Variants in RRP1B observed in about 807,000 individuals in gnomAD.
The protein encoded by RRP1B is ribosomal RNA processing 1B.
A neutral mutation model predicts 80.2 loss-of-function variants in RRP1B; 56 were observed. The observed-to-expected ratio is 0.70, with a 90% CI of 0.56 to 0.87. RRP1B has a LOEUF of 0.87. Among genes scored for constraint, RRP1B ranks in the 40% least tolerant of loss-of-function variants. The pLI is 0.00. For missense variants in RRP1B, 807 were observed against 939.8 expected (o/e 0.86, Z 1.85); for synonymous variants, 351 against 357.6 (o/e 0.98, Z 0.21).
At position 43,686,594 on chromosome 21, in the gene RRP1B, C is replaced by CT. The variant is rs1192012275; in HGVS notation, c.1010-208dup. The CT allele has an allele frequency of 6.4e-5, 34 of 527,380 alleles. No homozygotes were observed. The Middle Eastern group carries it at 1.6e-3, about 24-fold the overall frequency. 32.7% of individuals were successfully genotyped at this position (527,380 alleles called of 1,614,324 possible). A position where few individuals can be genotyped will look rare whatever the true frequency, so the allele number is the denominator to read the frequency against. On this transcript the variant is annotated intron_variant, in intron 11 of 15. Coordinates refer to ENST00000340648, the MANE Select transcript of RRP1B (RefSeq NM_015056.3). ...CAGCCATGGAGGGTGTCACCGAGGG[C>CT]TTGTGATCCCTTGCCTTGCCTTGGT...
chr21:43,674,261 A>T (rs957146918), intron 4 of RRP1B, among the ~76,000 whole-genome samples: 1 of 152,170 alleles, frequency 6.6e-6, no homozygotes, highest in African/African-American at 2.4e-5. Flanking sequence ...GGTTCAAGTG[A>T]TTCTCATGCC....
intron 1 of RRP1B, among the ~76,000 whole-genome samples, chr21:43,661,590 G>A (rs1280273629): frequency 2.0e-5 from 3 of 152,086 alleles, no homozygotes; most frequent in African/African-American, 7.2e-5. Flanking sequence ...CGAAACTTCT[G>A]CGCCCGCATA....
At chr21:43,670,098 G>C (rs568594735) in intron 2 of RRP1B, 132 bp downstream of exon 2, 1 of 519,262 alleles carries the variant, frequency 1.9e-6, no homozygotes, top group Non-Finnish European at 3.4e-6. Flanking sequence ...AGTCATTTTC[G>C]TACCTCTTGT....
chr21:43,674,089 C>G (rs1381160465), intron 4 of RRP1B, 134 bp downstream of exon 4: 1 of 640,184 alleles, frequency 1.6e-6, no homozygotes, highest in Non-Finnish European at 2.6e-6. Flanking sequence ...TTGAATGTGT[C>G]CTGGAAAGCT....
At chr21:43,665,650 G>C (rs1241293445) in intron 1 of RRP1B, among the ~76,000 whole-genome samples, 1 of 152,058 alleles carries the variant, frequency 6.6e-6, no homozygotes, top group Non-Finnish European at 1.5e-5. Flanking sequence ...GGGTTCCAGC[G>C]GAACCCTTGG....
rs2083016603 is a variant in RRP1B at position 43,675,145 on chromosome 21, C to T, written c.531C>T (p.Ser177=). 1 of 1,613,762 alleles carries T rather than the reference C, an allele frequency of 6.2e-7. No homozygotes were observed. Among genetic ancestry groups the T allele is most frequent in the Non-Finnish European group, 8.5e-7 (1 of 1,179,962 alleles). ...HFIDIYLDEL[S]KVGGKELLAD... The stretch of plus-strand genomic sequence containing the variant: ...TTGATATTTACCTGGATGAACTCTC[C>T]AAAGTCGGGGGGAAGGAGGTAAGCA... The change falls in exon 6 of 16, where the codon TCC becomes TCT. Residue 177 remains serine, a synonymous_variant. Coordinates refer to ENST00000340648, the MANE Select transcript of RRP1B (RefSeq NM_015056.3).
At chr21:43,687,491 T>C (rs2083067723) in intron 12 of RRP1B, 25 bp from the exon 13 acceptor site, 2 of 1,464,770 alleles carry the variant, frequency 1.4e-6, no homozygotes, top group African/African-American at 2.8e-5. Context: ...ACTGGGTGCT[T>C]GTTGATGGGT....
chr21:43,672,244 G>C (rs1012685899), intron 2 of RRP1B, 64 bp from the exon 3 acceptor site: 3 of 1,445,302 alleles, frequency 2.1e-6, no homozygotes, highest in Non-Finnish European at 2.9e-6. Context: ...AGCAGGCCGC[G>C]GCACAGGCAT....
In RRP1B at chr21:43,691,415, G is replaced by T. The variant is rs112725547; in HGVS notation, c.2020-24G>T. On this transcript the variant is annotated intron_variant, in intron 14 of 15. Coordinates refer to ENST00000340648, the MANE Select transcript of RRP1B (RefSeq NM_015056.3). This position sits in a 1 kb window ranked among gnomAD's most constrained non-coding sequence, Gnocchi z 4.2. The stretch of plus-strand genomic sequence containing the variant: ...CCACTGCACTTGCGTCACTCCTTTT[G>T]TTCCTGTTATTTCTCTTCTGCAGCT... 1.8e-5 allele frequency: 29 copies of T among 1,612,950 alleles called. No homozygotes were observed. Among genetic ancestry groups the T allele is most frequent in the Non-Finnish European group, 2.5e-5 (29 of 1,179,146 alleles).
chr21:43,690,172 G>T (rs1207671381), intron 13 of RRP1B, 116 bp from the exon 14 acceptor site: 6 of 1,198,736 alleles, frequency 5.0e-6, no homozygotes, highest in South Asian at 3.1e-5. Flanking sequence ...AAGACCGCGG[G>T]CCGTCGGGTG....
At position 43,659,843 on chromosome 21, in the gene RRP1B, G is replaced by GGGGCTGGGGCTA. The variant is rs1162989837; in HGVS notation, c.130+54_130+65dup. ...CGCGCCACATGGCGGGCCGGGGGCC[G>GGGGCTGGGGCTA]GGGCTGGGGCTAGGGCCAGGGCCCC... On this transcript the variant is annotated intron_variant, in intron 1 of 15. Coordinates refer to ENST00000340648, the MANE Select transcript of RRP1B (RefSeq NM_015056.3). This position sits in a 1 kb window ranked among gnomAD's most constrained non-coding sequence, Gnocchi z 4.2. 6.8e-6 allele frequency: 10 copies of GGGGCTGGGGCTA among 1,465,446 alleles called. No homozygotes were observed. Among genetic ancestry groups the GGGGCTGGGGCTA allele is most frequent in the Non-Finnish European group, 9.1e-6 (10 of 1,101,992 alleles). The allele number at this position is 1,465,446 out of a possible 1,614,324, so 90.8% of individuals were successfully genotyped here.
rs1396405844 is a variant in RRP1B at position 43,695,694 on chromosome 21, A to C, written c.*2311A>C. ...GATATTTTCCTAAGTAAAATTGCCA[A>C]GTGGACTTGGAAGTCCAGAAAGGAA... On this transcript the variant is annotated 3_prime_UTR_variant, in exon 16 of 16. Transcript: ENST00000340648. The C allele has an allele frequency of 6.6e-6, 1 of 152,256 alleles. No individual in the cohort carries two copies. The highest frequency in any genetic ancestry group is 1.5e-5 in the Non-Finnish European group (1 of 68,050). 9.4% of individuals were successfully genotyped at this position (152,256 alleles called of 1,614,324 possible).
At chr21:43,685,102 T>C (rs918516739) in intron 10 of RRP1B, among the ~76,000 whole-genome samples, 2 of 152,216 alleles carry the variant, frequency 1.3e-5, no homozygotes, top group African/African-American at 2.4e-5. Flanking sequence ...CTGGAATTCA[T>C]GGAGGGCCTC....
At position 43,691,534 on chromosome 21, in the gene RRP1B, C is replaced by G; in HGVS notation, c.2083+32C>G. On this transcript the variant is annotated intron_variant, in intron 15 of 15. Transcript: ENST00000340648. The surrounding 1 kb of genome is among the most constrained non-coding windows in gnomAD (Gnocchi z 4.2). ...GGGGTTTTGCCAGCGGCAAGCTTCTCTGGAGCACAGCTGCAGCTCCTGGCG... is the reference window on the plus strand; with the variant it reads ...GGGGTTTTGCCAGCGGCAAGCTTCTGTGGAGCACAGCTGCAGCTCCTGGCG... 1.2e-6 allele frequency: 2 copies of G among 1,608,098 alleles called. No homozygotes were observed. Among genetic ancestry groups the G allele is most frequent in the Non-Finnish European group, 1.7e-6 (2 of 1,174,850 alleles).
intron 1 of RRP1B, among the ~76,000 whole-genome samples, chr21:43,665,633 G>T (rs761524670): frequency 6.6e-6 from 1 of 152,034 alleles, no homozygotes; most frequent in African/African-American, 2.4e-5. Context: ...TGAAACCTCC[G>T]CCTCCTGGGT....
chr21:43,688,551 T>C (rs1490221689), intron 13 of RRP1B, among the ~76,000 whole-genome samples: 1 of 152,222 alleles, frequency 6.6e-6, no homozygotes, highest in African/African-American at 2.4e-5. Context: ...CAGGCCAGTC[T>C]AGGCCTCTGT....
intron 8 of RRP1B, among the ~76,000 whole-genome samples, chr21:43,682,989 C>T (rs1377295978): frequency 6.6e-6 from 1 of 152,154 alleles, no homozygotes; most frequent in South Asian, 2.1e-4. Context: ...TCTCATGCCT[C>T]AGCCTCCCAA....
Position 43,691,634 on chromosome 21 carries a change from T to TA in RRP1B, c.2083+132_2083+133insA. On this transcript the variant is annotated intron_variant, in intron 15 of 15. Transcript: ENST00000340648. This position sits in a 1 kb window ranked among gnomAD's most constrained non-coding sequence, Gnocchi z 4.2. ...GCTCCTCACTGCCCATTTCTTTATT[T>TA]TTATTTTTTTTTTTTTTTTGAGACA... The TA allele has an allele frequency of 1.6e-6, 1 of 606,958 alleles. No homozygotes were observed. Among genetic ancestry groups the TA allele is most frequent in the Admixed American group, 3.2e-5 (1 of 31,412 alleles). 37.6% of individuals were successfully genotyped at this position (606,958 alleles called of 1,614,324 possible).
rs1393068693 is a variant in RRP1B, at chr21:43,659,855, A to G, written c.130+61A>G. ...CGGGCCGGGGGCCGGGGCTGGGGCT[A>G]GGGCCAGGGCCCCGGCACGGAATGC... On this transcript the variant is annotated intron_variant, in intron 1 of 15. Coordinates refer to ENST00000340648, the MANE Select transcript of RRP1B (RefSeq NM_015056.3). The surrounding 1 kb of genome is among the most constrained non-coding windows in gnomAD (Gnocchi z 4.2). The G allele has an allele frequency of 2.1e-6, 3 of 1,403,234 alleles. No individual in the cohort carries two copies. The highest frequency in any genetic ancestry group is 1.5e-5 in the South Asian group (1 of 65,890). 86.9% of individuals were successfully genotyped at this position (1,403,234 alleles called of 1,614,324 possible).
Sources: allele counts gnomAD v4.1 joint callset (sites outside exome capture counted in the v4.1 genomes callset), GRCh38; gene constraint gnomAD v4.1.1; non-coding constraint Gnocchi (gnomAD v3.1); transcripts MANE v1.5; gene names NCBI Gene and HGNC (gene_info 2026-07-23, HGNC 2026-07-21).